CLEC16A: variants seen among roughly 807,000 people sequenced by gnomAD.
The protein encoded by CLEC16A is C-type lectin domain containing 16A, also known as protein CLEC16A.
In CLEC16A, 51 loss-of-function variants were observed where a neutral mutation model predicts 109.5. The observed-to-expected ratio is 0.47, with a 90% CI of 0.37 to 0.59. CLEC16A has a LOEUF of 0.59. CLEC16A is among the 20% of genes least tolerant of loss of function. CLEC16A has a pLI of 0.00. For synonymous variants in CLEC16A, 673 were observed against 564.2 expected, an observed-to-expected ratio of 1.19 and a Z score of -2.73; for missense variants, 1,339 against 1,394.0, an observed-to-expected ratio of 0.96 and a Z score of 0.63.
At chr16:10,955,153 C>T (rs1364897751) in intron 1 of CLEC16A, among the ~76,000 whole-genome samples, 3 of 152,232 alleles carry the variant, frequency 2.0e-5, no homozygotes, top group Non-Finnish European at 4.4e-5. Flanking sequence ...GTCTGTCTGC[C>T]AGACTCCGAA....
At chr16:11,065,579 A>T (rs2048716258) in intron 19 of CLEC16A, among the ~76,000 whole-genome samples, 1 of 152,208 alleles carries the variant, frequency 6.6e-6, no homozygotes, top group Non-Finnish European at 1.5e-5. Context: ...TGGAGGGAGC[A>T]ACCACTAACA....
Position 10,944,698 on chromosome 16 carries a change from G to C in CLEC16A, c.-20G>C. The C allele has an allele frequency of 1.3e-6, 2 of 1,596,540 alleles. No homozygotes were observed. The highest frequency in any genetic ancestry group is 1.7e-6 in the Non-Finnish European group (2 of 1,171,794). On this transcript the variant is annotated 5_prime_UTR_variant, in exon 1 of 24. Coordinates refer to ENST00000409790, the MANE Select transcript of CLEC16A (RefSeq NM_015226.3). ...TCCGGCATGAGACCGTGAGACGAGA[G>C]ACGGGTCGGGGCCGCCGACATGTTT...
chr16:11,051,926 G>A (rs1337762173), intron 18 of CLEC16A, among the ~76,000 whole-genome samples: 1 of 152,228 alleles, frequency 6.6e-6, no homozygotes, highest in Non-Finnish European at 1.5e-5. Flanking sequence ...AGGAGTGTAA[G>A]GCAATGGGGC....
intron 13 of CLEC16A, among the ~76,000 whole-genome samples, chr16:11,030,921 T>G (rs988540410): frequency 1.3e-5 from 2 of 152,246 alleles, no homozygotes; most frequent in African/African-American, 4.8e-5. Flanking sequence ...TTTATGTATT[T>G]TGAATGCAAG....
chr16:11,035,564 G>A (rs1267255477), intron 13 of CLEC16A, among the ~76,000 whole-genome samples: 1 of 152,152 alleles, frequency 6.6e-6, no homozygotes, highest in Non-Finnish European at 1.5e-5. Context: ...CTCTCCACAT[G>A]ACCCCAGGCA....
In CLEC16A at chr16:11,044,043, A is replaced by C; in HGVS notation, c.1786A>C (p.Ser596Arg). Residue 596 changes from serine (S) to arginine (R), a missense_variant, in exon 16 of 24, where the codon AGT becomes CGT. Coordinates refer to ENST00000409790, the MANE Select transcript of CLEC16A (RefSeq NM_015226.3). ...CTTTTAACAGGGTGCGAGAGAAGAA[A>C]GTGTTCACCTTGTACGACATTTTTA... ...LACLEGAREE[S>R]VHLVRHFYKG... The C allele has an allele frequency of 6.2e-7, 1 of 1,609,528 alleles. No individual in the cohort carries two copies. Among genetic ancestry groups the C allele is most frequent in the Non-Finnish European group, 8.5e-7 (1 of 1,177,104 alleles).
chr16:11,000,565 A>G (rs1472887496), intron 10 of CLEC16A, among the ~76,000 whole-genome samples: 1 of 152,004 alleles, frequency 6.6e-6, no homozygotes, highest in Non-Finnish European at 1.5e-5. Context: ...GCATTCGATC[A>G]CCCGGCATCC....
Position 11,178,243 on chromosome 16 carries a change from C to T in CLEC16A, c.2807-92C>T, listed in dbSNP as rs1380113113. ...GCCAGCCACCTCCCACCTAGCTCAC[C>T]AGGGCCGCGGTTCAGGATGGGAGCA... On this transcript the variant is annotated intron_variant, in intron 23 of 23. Coordinates refer to ENST00000409790, the MANE Select transcript of CLEC16A (RefSeq NM_015226.3). The surrounding 1 kb of genome is among the most constrained non-coding windows in gnomAD (Gnocchi z 6.5). 24 of 1,182,464 alleles carry T rather than the reference C, an allele frequency of 2.0e-5. No homozygotes were observed. The highest frequency in any genetic ancestry group is 2.8e-5 in the Non-Finnish European group (23 of 823,100). The allele number at this position is 1,182,464 out of a possible 1,614,324, so 73.2% of individuals were successfully genotyped here.
intron 10 of CLEC16A, among the ~76,000 whole-genome samples, chr16:10,986,622 T>A (rs147346105): frequency 1.3e-5 from 2 of 152,270 alleles, no homozygotes; most frequent in African/African-American, 4.8e-5. Context: ...CTCGTATAAG[T>A]AGAATCGTGC....
At chr16:11,121,642 G>A (rs537820745) in intron 20 of CLEC16A, among the ~76,000 whole-genome samples, 14 of 151,716 alleles carry the variant, frequency 9.2e-5, no homozygotes, top group African/African-American at 3.1e-4. Flanking sequence ...CACTTTGAGG[G>A]GCCAAGTCAG....
chr16:11,151,311 TG>T (rs1248252971), intron 22 of CLEC16A, among the ~76,000 whole-genome samples: 1 of 152,236 alleles, frequency 6.6e-6, no homozygotes, highest in African/African-American at 2.4e-5. Context: ...TGTCAGGCTC[TG>T]GGTGGCACCT....
intron 22 of CLEC16A, among the ~76,000 whole-genome samples, chr16:11,140,116 T>C (rs549064878): frequency 6.6e-6 from 1 of 152,246 alleles, no homozygotes; most frequent in South Asian, 2.1e-4. Flanking sequence ...CTTTGTTCTT[T>C]CTCTTCCTGC....
chr16:11,104,599 T>A (rs2051110243), intron 19 of CLEC16A, among the ~76,000 whole-genome samples: 2 of 152,122 alleles, frequency 1.3e-5, no homozygotes, highest in Non-Finnish European at 2.9e-5. Context: ...TGTAGCCCCA[T>A]CTTCAAGAAC....
chr16:11,084,799 C>G (rs1183658418), intron 19 of CLEC16A, among the ~76,000 whole-genome samples: 1 of 152,188 alleles, frequency 6.6e-6, no homozygotes, highest in African/African-American at 2.4e-5. Context: ...CCTGAAAAAG[C>G]CTGCCCTTGT....
chr16:11,028,043 A>G (rs1301833585), intron 13 of CLEC16A, among the ~76,000 whole-genome samples: 1 of 152,214 alleles, frequency 6.6e-6, no homozygotes, highest in Non-Finnish European at 1.5e-5. Context: ...TCTACTAAAA[A>G]TAAAAAATTA....
At chr16:11,124,961 C>T (rs1370959940) in intron 21 of CLEC16A, among the ~76,000 whole-genome samples, 5 of 152,140 alleles carry the variant, frequency 3.3e-5, no homozygotes, top group East Asian at 1.9e-4. Flanking sequence ...TGGTGGCATA[C>T]GCCTGTAGTC....
rs867029959 is a variant in CLEC16A at position 10,998,471 on chromosome 16, C to T, written c.1072-4603C>T. On this transcript the variant is annotated intron_variant, in intron 10 of 23. Coordinates refer to ENST00000409790, the MANE Select transcript of CLEC16A (RefSeq NM_015226.3). ...ATTTGGGACATGTAGACCTTCTTTGCAGAATACTTTTCCCTGGGGCATGTG... is the reference window on the plus strand; with the variant it reads ...ATTTGGGACATGTAGACCTTCTTTGTAGAATACTTTTCCCTGGGGCATGTG... Among the ~76,000 whole-genome samples the T allele has an allele frequency of 2.0e-5, 3 of 152,162 alleles. No individual in the cohort carries two copies. In the South Asian group the frequency reaches 6.2e-4, roughly 32 times the overall value.
chr16:11,049,867 G>C (rs2152876804), intron 17 of CLEC16A, among the ~76,000 whole-genome samples: 1 of 152,344 alleles, frequency 6.6e-6, no homozygotes, highest in African/African-American at 2.4e-5. Context: ...TGCCACCCCT[G>C]CGGGGTTAGA....
At chr16:11,019,170 G>T (rs2045944186) in intron 11 of CLEC16A, among the ~76,000 whole-genome samples, 1 of 152,154 alleles carries the variant, frequency 6.6e-6, no homozygotes, top group Admixed American at 6.5e-5. Context: ...TGGGGAAAAA[G>T]ATGTGAACTC....
Sources: allele counts gnomAD v4.1 joint callset (sites outside exome capture counted in the v4.1 genomes callset), GRCh38; gene constraint gnomAD v4.1.1; non-coding constraint Gnocchi (gnomAD v3.1); transcripts MANE v1.5; gene names NCBI Gene and HGNC (gene_info 2026-07-23, HGNC 2026-07-21).